The following SLC16A12 variants were observed in gnomAD, a reference collection of about 807,000 sequenced individuals.
SLC16A12 encodes the protein solute carrier family 16 member 12.
Under a neutral mutation model 42.4 loss-of-function variants are expected in SLC16A12, and 17 were observed. The ratio of observed to expected loss-of-function variants is 0.40; its 90% CI spans 0.27 to 0.60. SLC16A12 has a LOEUF of 0.60. Among genes scored for constraint, SLC16A12 ranks in the 20% least tolerant of loss-of-function variants. The pLI, the probability that SLC16A12 is intolerant of heterozygous loss-of-function variation, is 0.42. For missense variants in SLC16A12, 544 were observed against 623.0 expected, an observed-to-expected ratio of 0.87 and a Z score of 1.35; for synonymous variants, 224 against 229.4, an observed-to-expected ratio of 0.98 and a Z score of 0.21.
At position 89,528,598 on chromosome 10, in the gene SLC16A12, T is replaced by C. The variant is rs148265582; in HGVS notation, c.-47+5903A>G. Among the ~76,000 whole-genome samples, 773 of 152,276 alleles carry C rather than the reference T, an allele frequency of 5.1e-3. 5 individuals are homozygous for C. The highest frequency in any genetic ancestry group is 5.3e-3 in the Non-Finnish European group (362 of 68,010). On this transcript the variant is annotated intron_variant, in intron 2 of 7. Coordinates refer to ENST00000371790, the MANE Select transcript of SLC16A12 (RefSeq NM_213606.4). ...CTTTCCATATAATGAATGGGCCCTC[T>C]ATAGAGAAAATGCACACACAAAAAA...
intron 2 of SLC16A12, among the ~76,000 whole-genome samples, chr10:89,478,476 A>T (rs184723291): frequency 1.8e-3 from 276 of 152,340 alleles, no homozygotes; most frequent in Non-Finnish European, 2.9e-3. Context: ...GCAGCATTCT[A>T]GGGCTATGGT....
rs148104694 is a variant in SLC16A12, at chr10:89,462,481, T to C, written c.98A>G (p.Lys33Arg). The part of the protein sequence containing the change: ...GKEEKRKTMA[K>R]VNRARSTSPP... ...GGAGGTAGACCGAGCTCTATTTACT[T>C]TTGCCATGGTTTTTCTTTTTTCTTC... The change falls in exon 3 of 8, where the codon AAA becomes AGA. Residue 33 changes from lysine (K) to arginine (R), a missense_variant. Lys to Arg is a conservative substitution (Grantham distance 26). Transcript: ENST00000371790. The C allele has an allele frequency of 5.0e-6, 8 of 1,614,006 alleles. No homozygotes were observed. Among genetic ancestry groups the C allele is most frequent in the Middle Eastern group, 1.7e-4 (1 of 6,058 alleles).
Position 89,432,894 on chromosome 10 carries a change from TC to T in SLC16A12, c.*169del. On this transcript the variant is annotated 3_prime_UTR_variant, in exon 8 of 8. Coordinates refer to ENST00000371790, the MANE Select transcript of SLC16A12 (RefSeq NM_213606.4). ...AGAAGGCTCTGGGCTAGTCCAGCTTTCCTTATTATGTGCTGTTTTCCCTTAT... is the reference window on the plus strand; with the variant it reads ...AGAAGGCTCTGGGCTAGTCCAGCTTTCTTATTATGTGCTGTTTTCCCTTAT... The T allele has an allele frequency of 2.1e-6, 2 of 952,050 alleles. No individual in the cohort carries two copies. 59.0% of individuals were successfully genotyped at this position (952,050 alleles called of 1,614,324 possible). A position where few individuals can be genotyped will look rare whatever the true frequency, so the allele number is the denominator to read the frequency against.
intron 2 of SLC16A12, among the ~76,000 whole-genome samples, chr10:89,473,214 AAAAG>A (rs1436986150): frequency 6.6e-6 from 1 of 152,120 alleles, no homozygotes; most frequent in Non-Finnish European, 1.5e-5. Context: ...AAATATTTTT[AAAAG>A]AAAGAACAAA....
intron 2 of SLC16A12, among the ~76,000 whole-genome samples, chr10:89,478,790 T>A (rs1257902765): frequency 6.6e-6 from 1 of 152,236 alleles, no homozygotes; most frequent in Non-Finnish European, 1.5e-5. Flanking sequence ...ACACTGGCTA[T>A]TCACTCCTGG....
chr10:89,555,326 A>G (rs896432323), intron 2 of SLC16A12, among the ~76,000 whole-genome samples: 2 of 151,692 alleles, frequency 1.3e-5, no homozygotes, highest in African/African-American at 4.8e-5. Context: ...ATTTTGTCTT[A>G]TGTTACCCAA....
Position 89,433,294 on chromosome 10 carries a change from C to T in SLC16A12, c.1321G>A (p.Ala441Thr). Reference protein sequence around the residue: ...RLVDTTGSYTAAFLLCGFSMI... With the variant: ...RLVDTTGSYTTAFLLCGFSMI... ...GAAAATCCACAGAGGAGGAATGCTG[C>T]AGTGTAGCTGCCGGTGGTATCTACC... is the stretch of plus-strand genomic sequence containing the variant. The change falls in exon 8 of 8, where the codon GCA (alanine) becomes ACA (threonine). Residue 441 changes from alanine to threonine, a missense_variant. By Grantham distance (58) the Ala-to-Thr change is moderately conservative. Transcript: ENST00000371790. 1 of 1,614,114 alleles carries T rather than the reference C, an allele frequency of 6.2e-7. No individual in the cohort carries two copies. The highest frequency in any genetic ancestry group is 8.5e-7 in the Non-Finnish European group (1 of 1,180,030).
chr10:89,534,381 C>G (rs1219398803), intron 2 of SLC16A12, 120 bp downstream of exon 2: 1 of 152,132 alleles, frequency 6.6e-6, no homozygotes, highest in Non-Finnish European at 1.5e-5. Flanking sequence ...AGATTTTCCC[C>G]CTGGGCTAAG....
At chr10:89,439,311 C>G in intron 5 of SLC16A12, 128 bp from the exon 6 acceptor site, 1 of 922,788 alleles carries the variant, frequency 1.1e-6, no homozygotes, top group South Asian at 1.7e-5. Flanking sequence ...CTTTTTACAC[C>G]AAGCTTAAAA....
intron 2 of SLC16A12, among the ~76,000 whole-genome samples, chr10:89,541,311 T>C (rs1405054952): frequency 6.6e-6 from 1 of 152,034 alleles, no homozygotes; most frequent in Admixed American, 6.6e-5. Flanking sequence ...AAACATGGAT[T>C]GAGGATGGGT....
intron 2 of SLC16A12, among the ~76,000 whole-genome samples, chr10:89,513,862 T>A (rs1843202715): frequency 6.6e-6 from 1 of 152,152 alleles, no homozygotes; most frequent in Non-Finnish European, 1.5e-5. Context: ...TGTTGGTTGC[T>A]CAAAGAAGGA....
At chr10:89,444,729 C>A (rs774900421) in intron 3 of SLC16A12, among the ~76,000 whole-genome samples, 5 of 152,156 alleles carry the variant, frequency 3.3e-5, no homozygotes, top group Middle Eastern at 3.2e-3. Flanking sequence ...AACTGAGGTA[C>A]CTGGTTCATC....
At position 89,496,128 on chromosome 10, in the gene SLC16A12, G is replaced by T. The variant is rs187155990; in HGVS notation, c.-46-33504C>A. ...TAACAATTAACATAAGAAGTGGGAT[G>T]GGGGCTTTAGGAAGAGAAAGAAATA... On this transcript the variant is annotated intron_variant, in intron 2 of 7. Coordinates refer to ENST00000371790, the MANE Select transcript of SLC16A12 (RefSeq NM_213606.4). 8.9e-4 allele frequency among the ~76,000 whole-genome samples: 136 copies of T among 152,236 alleles called. 1 individual carries two copies. In the East Asian group the frequency reaches 0.025, roughly 28 times the overall value.
intron 2 of SLC16A12, among the ~76,000 whole-genome samples, chr10:89,511,354 G>A (rs1425856606): frequency 6.6e-6 from 1 of 152,192 alleles, no homozygotes; most frequent in African/African-American, 2.4e-5. Flanking sequence ...TGATAGACTG[G>A]ATAAAGAAAA....
At chr10:89,457,619 T>A (rs1369130804) in intron 3 of SLC16A12, among the ~76,000 whole-genome samples, 1 of 152,160 alleles carries the variant, frequency 6.6e-6, no homozygotes, top group Admixed American at 6.5e-5. Context: ...GTGATTCTTT[T>A]TTTTATAATC....
At position 89,458,986 on chromosome 10, in the gene SLC16A12, C is replaced by T. The variant is rs60085705; in HGVS notation, c.200+3393G>A. Among the ~76,000 whole-genome samples, 1,285 of 152,212 alleles carry T rather than the reference C, an allele frequency of 8.4e-3. 20 individuals carry two copies. Among genetic ancestry groups the T allele is most frequent in the African/African-American group, 0.03 (1,228 of 41,516 alleles). On this transcript the variant is annotated intron_variant, in intron 3 of 7. Transcript: ENST00000371790. ...TGTCTGTGGTATGTCGGAGGAGGGGCAAGCCTAAGAAGTTTACAGTAAAGT... is the reference window on the plus strand; with the variant it reads ...TGTCTGTGGTATGTCGGAGGAGGGGTAAGCCTAAGAAGTTTACAGTAAAGT...
intron 2 of SLC16A12, among the ~76,000 whole-genome samples, chr10:89,492,952 T>C (rs549974338): frequency 1.3e-5 from 2 of 152,210 alleles, no homozygotes; most frequent in East Asian, 3.9e-4. Context: ...CAGAGACTTA[T>C]GAACCAGGCT....
At chr10:89,436,516 G>T (rs555511599) in intron 6 of SLC16A12, among the ~76,000 whole-genome samples, 197 bp from the exon 7 acceptor site, 1 of 152,214 alleles carries the variant, frequency 6.6e-6, no homozygotes, top group South Asian at 2.1e-4. Flanking sequence ...TGGTGTGGTA[G>T]AAAGAATATA....
intron 3 of SLC16A12, among the ~76,000 whole-genome samples, chr10:89,449,484 C>T (rs1200360909): frequency 1.3e-5 from 2 of 152,096 alleles, no homozygotes; most frequent in African/African-American, 4.8e-5. Flanking sequence ...CTTTAACAAA[C>T]CTGACAAAAA....
Sources: gnomAD v4.1 joint callset for allele counts (sites outside exome capture counted in the v4.1 genomes callset) on GRCh38, gnomAD v4.1.1 for gene constraint, MANE v1.5 for transcripts, NCBI Gene and HGNC (gene_info 2026-07-23, HGNC 2026-07-21) for gene names.